SLC24A3: variants seen among roughly 807,000 people sequenced by gnomAD.
The protein encoded by SLC24A3 is solute carrier family 24 member 3, also known as sodium/potassium/calcium exchanger 3.
SLC24A3 carries 28 observed loss-of-function variants against 75.8 expected under a neutral mutation model. That is an observed-to-expected ratio of 0.37 (90% CI 0.27 to 0.51). The LOEUF (loss-of-function observed/expected upper bound fraction) is 0.51, where lower values mean the gene tolerates loss of function less well. SLC24A3 is among the 20% of genes least tolerant of loss of function. SLC24A3 has a pLI of 0.94. For missense variants in SLC24A3, 663 were observed against 847.8 expected, an observed-to-expected ratio of 0.78 and a Z score of 2.71; for synonymous variants, 372 against 334.1, an observed-to-expected ratio of 1.11 and a Z score of -1.24.
chr20:19,685,198 C>T lies in SLC24A3; in HGVS notation c.1161C>T (p.Pro387=), dbSNP rs139129126. ...ACACCGTGGAGAATGGGACAGGGCC[C>T]AGCAGTGCCCCAGACAGGGGCGTGA... The part of the protein sequence containing the change: ...IKHTVENGTG[P]SSAPDRGVNG... Residue 387 remains proline (P), a synonymous_variant, in exon 12 of 17, where the codon CCC becomes CCT. Transcript: ENST00000328041. 2 of 1,614,032 alleles carry T rather than the reference C, an allele frequency of 1.2e-6. No homozygotes were observed. The highest frequency in any genetic ancestry group is 2.7e-5 in the African/African-American group (2 of 74,908).
intron 8 of SLC24A3, among the ~76,000 whole-genome samples, chr20:19,672,560 C>G (rs75124776): frequency 0.079 from 12,078 of 152,074 alleles, 557 homozygotes; most frequent in Middle Eastern, 0.13. Flanking sequence ...TGTTCTGGAA[C>G]TTGGGGACAT....
chr20:19,722,419 C>T lies in SLC24A3; in HGVS notation c.*1279C>T, dbSNP rs997590688. ...TTGAAACCACAGAATGTGTTACATG[C>T]AGACTCGCTCAAGGGCATAAGTTAT... On this transcript the variant is annotated 3_prime_UTR_variant, in exon 17 of 17. Transcript: ENST00000328041. 6.5e-6 allele frequency: 1 copy of T among 152,700 alleles called. No individual in the cohort carries two copies. The highest frequency in any genetic ancestry group is 2.4e-5 in the African/African-American group (1 of 41,458). The allele number at this position is 152,700 out of a possible 1,614,324, so 9.5% of individuals were successfully genotyped here. A position where few individuals can be genotyped will look rare whatever the true frequency, so the allele number is the denominator to read the frequency against.
intron 2 of SLC24A3, among the ~76,000 whole-genome samples, chr20:19,513,544 C>G (rs1050565974): frequency 6.6e-6 from 1 of 152,174 alleles, no homozygotes; most frequent in Non-Finnish European, 1.5e-5. Flanking sequence ...GGAAACTCCT[C>G]CAGGCTTCTC....
At chr20:19,538,998 CA>C (rs1191632463) in intron 3 of SLC24A3, among the ~76,000 whole-genome samples, 2 of 152,010 alleles carry the variant, frequency 1.3e-5, no homozygotes, top group African/African-American at 2.4e-5. Flanking sequence ...GAACCAGACA[CA>C]AAAAAAGTAT....
Position 19,654,043 on chromosome 20 carries a change from T to C in SLC24A3, c.613-19T>C. On this transcript the variant is annotated intron_variant, in intron 6 of 16. Coordinates refer to ENST00000328041, the MANE Select transcript of SLC24A3 (RefSeq NM_020689.4). ...GTACAGTCTATATCCTGTTTGACTTTGTTTCCCTTGTCCTGCAGGTTGTGG... is the reference window on the plus strand; with the variant it reads ...GTACAGTCTATATCCTGTTTGACTTCGTTTCCCTTGTCCTGCAGGTTGTGG... The C allele has an allele frequency of 6.2e-7, 1 of 1,602,572 alleles. No individual in the cohort carries two copies. Among genetic ancestry groups the C allele is most frequent in the Non-Finnish European group, 8.6e-7 (1 of 1,169,560 alleles).
intron 8 of SLC24A3, among the ~76,000 whole-genome samples, chr20:19,669,386 C>T (rs558447272): frequency 7.9e-5 from 12 of 151,980 alleles, no homozygotes; most frequent in Non-Finnish European, 1.3e-4. Context: ...CCTGTAGTCC[C>T]GGCTGCTCGG....
At chr20:19,570,640 A>T (rs1210966292) in intron 3 of SLC24A3, among the ~76,000 whole-genome samples, 2 of 152,212 alleles carry the variant, frequency 1.3e-5, no homozygotes, top group Admixed American at 1.3e-4. Context: ...GTCTAGCGTT[A>T]GGTCTCATAG....
chr20:19,568,565 C>T lies in SLC24A3; in HGVS notation c.349-11435C>T, dbSNP rs2030999092. Among the ~76,000 whole-genome samples, 5 of 152,012 alleles carry T rather than the reference C, an allele frequency of 3.3e-5. No individual in the cohort carries two copies. In the South Asian group the frequency reaches 1.0e-3, roughly 32 times the overall value. ...ATGAAGTACCTAGCACAGTCAAATT[C>T]ATAGAAAGGAGAATGATGGTTACCA... On this transcript the variant is annotated intron_variant, in intron 3 of 16. Coordinates refer to ENST00000328041, the MANE Select transcript of SLC24A3 (RefSeq NM_020689.4).
chr20:19,517,972 G>A (rs2030028772), intron 3 of SLC24A3, among the ~76,000 whole-genome samples: 1 of 152,188 alleles, frequency 6.6e-6, no homozygotes, highest in African/African-American at 2.4e-5. Context: ...CCTACCACCA[G>A]AATGTAAGCC....
intron 6 of SLC24A3, among the ~76,000 whole-genome samples, chr20:19,637,916 A>C (rs1263059880): frequency 2.0e-5 from 3 of 152,244 alleles, no homozygotes; most frequent in Non-Finnish European, 4.4e-5. Context: ...GGAGTATAAG[A>C]GAATGCAGGA....
At chr20:19,665,745 A>T (rs897628113) in intron 7 of SLC24A3, 119 bp from the exon 8 acceptor site, 39 of 1,335,834 alleles carry the variant, frequency 2.9e-5, no homozygotes, top group Non-Finnish European at 3.6e-5. Context: ...CCCAGTCCTG[A>T]TTACACCATC....
rs16980899 is a variant in SLC24A3 at position 19,620,412 on chromosome 20, C to T, written c.613-33650C>T. 0.025 allele frequency among the ~76,000 whole-genome samples: 3,853 copies of T among 152,252 alleles called. 256 individuals carry two copies. In the East Asian group the frequency reaches 0.28, roughly 11 times the overall value. On this transcript the variant is annotated intron_variant, in intron 6 of 16. Transcript: ENST00000328041. ...CAAAACCAGTATATTCTGCAGTGCT[C>T]TGCAAGGAGAAACATTACAGAGGGT... is the stretch of plus-strand genomic sequence containing the variant.
At chr20:19,295,108 G>A (rs1315119268) in intron 2 of SLC24A3, among the ~76,000 whole-genome samples, 2 of 152,018 alleles carry the variant, frequency 1.3e-5, no homozygotes, top group Non-Finnish European at 2.9e-5. Context: ...GTCTTCTTTT[G>A]AGAAGTGTCT....
intron 6 of SLC24A3, among the ~76,000 whole-genome samples, chr20:19,599,176 G>A (rs1250784330): frequency 6.6e-6 from 1 of 152,170 alleles, no homozygotes; most frequent in African/African-American, 2.4e-5. Context: ...AGCAGAGTTA[G>A]GATGCAGAAC....
At chr20:19,512,676 C>G (rs542041686) in intron 2 of SLC24A3, among the ~76,000 whole-genome samples, 2 of 152,194 alleles carry the variant, frequency 1.3e-5, no homozygotes, top group African/African-American at 4.8e-5. Flanking sequence ...GCCTCATGCA[C>G]GGGGCAGCAG....
At chr20:19,222,809 C>CTTCCTTCCTTCCTTCCTTCCTTCT (rs1981761181) in intron 1 of SLC24A3, among the ~76,000 whole-genome samples, 1 of 144,034 alleles carries the variant, frequency 6.9e-6, no homozygotes, top group Admixed American at 7.2e-5. Flanking sequence ...TCCTTCCTTC[C>CTTCCTTCCTTCCTTCCTTCCTTCT]TTCCTTCGTT....
At chr20:19,407,411 G>A (rs998038459) in intron 2 of SLC24A3, among the ~76,000 whole-genome samples, 1 of 152,202 alleles carries the variant, frequency 6.6e-6, no homozygotes, top group Non-Finnish European at 1.5e-5. Context: ...GTGCTCTGAT[G>A]CTGCAGCTCC....
chr20:19,684,353 T>C lies in SLC24A3; in HGVS notation c.1062+17T>C, dbSNP rs2032648737. On this transcript the variant is annotated intron_variant, in intron 11 of 16. Transcript: ENST00000328041. ...ATCAATGAGGTACCTGGGAAAGCACTGTCCACTGCCCACTGGACAGGGGTG... is the reference window on the plus strand; with the variant it reads ...ATCAATGAGGTACCTGGGAAAGCACCGTCCACTGCCCACTGGACAGGGGTG... 6.2e-7 allele frequency: 1 copy of C among 1,609,774 alleles called. No individual in the cohort carries two copies. Among genetic ancestry groups the C allele is most frequent in the Admixed American group, 1.7e-5 (1 of 59,476 alleles).
At chr20:19,428,174 G>T (rs1158087707) in intron 2 of SLC24A3, among the ~76,000 whole-genome samples, 2 of 152,206 alleles carry the variant, frequency 1.3e-5, no homozygotes, top group Non-Finnish European at 2.9e-5. Context: ...AGCCCGGTCT[G>T]GTTGTGGGTA....
Sources: gnomAD v4.1 joint callset for allele counts (sites outside exome capture counted in the v4.1 genomes callset) on GRCh38, gnomAD v4.1.1 for gene constraint, MANE v1.5 for transcripts, NCBI Gene and HGNC (gene_info 2026-07-23, HGNC 2026-07-21) for gene names.